The following ESRRB variants were observed in gnomAD, a reference collection of about 807,000 sequenced individuals.
The protein encoded by ESRRB is estrogen related receptor beta.
Under a neutral mutation model 46.0 loss-of-function variants are expected in ESRRB, and 16 were observed. The ratio of observed to expected loss-of-function variants is 0.35; its 90% confidence interval spans 0.24 to 0.53. The LOEUF (loss-of-function observed/expected upper bound fraction) is 0.53, where lower values mean the gene tolerates loss of function less well. ESRRB is among the 20% of genes least tolerant of loss of function. ESRRB has a pLI of 0.93. For missense variants in ESRRB, 488 were observed against 607.4 expected (o/e 0.80, Z 2.07); for synonymous variants, 246 against 259.6 (o/e 0.95, Z 0.50).
At chr14:76,332,573 ATATATTATATATT>A in intron 1 of ESRRB, among the ~76,000 whole-genome samples, 1 of 43,996 alleles carries the variant, frequency 2.3e-5, no homozygotes, top group Non-Finnish European at 4.0e-5. Flanking sequence ...TTATATATTT[ATATATTATATATT>A]TATATATTAT....
intron 1 of ESRRB, among the ~76,000 whole-genome samples, chr14:76,412,773 GC>G (rs541165031): frequency 7.7e-4 from 118 of 152,292 alleles, no homozygotes; most frequent in African/African-American, 2.6e-3. Context: ...CTTTGCTAAT[GC>G]ATTTGTATTG....
At chr14:76,449,892 A>C (rs1445373810) in intron 2 of ESRRB, among the ~76,000 whole-genome samples, 1 of 151,776 alleles carries the variant, frequency 6.6e-6, no homozygotes, top group Non-Finnish European at 1.5e-5. Flanking sequence ...AGGAGCTGGA[A>C]TTACAGGCAT....
chr14:76,415,523 G>A (rs879629325), intron 1 of ESRRB, among the ~76,000 whole-genome samples: 10 of 152,106 alleles, frequency 6.6e-5, no homozygotes, highest in Non-Finnish European at 1.3e-4. Context: ...AGCCAGGCGT[G>A]GTGGTTTGCA....
chr14:76,499,030 T>C lies in ESRRB; in HGVS notation c.*572T>C, dbSNP rs77207025. ...TTCCACTCAGCTTTCAGCCAGGGGG[T>C]ACCCACAGGAGAGCAGCGGCTAGAG... On this transcript the variant is annotated 3_prime_UTR_variant, in exon 7 of 7. Coordinates refer to ENST00000644823, the MANE Select transcript of ESRRB (RefSeq NM_001379180.1). 5.2e-3 allele frequency: 1,840 copies of C among 355,408 alleles called. 30 individuals carry two copies. Among genetic ancestry groups the C allele is most frequent in the African/African-American group, 0.036 (1,683 of 46,840 alleles). The allele number at this position is 355,408 out of a possible 1,614,324, so 22.0% of individuals were successfully genotyped here.
intron 1 of ESRRB, among the ~76,000 whole-genome samples, chr14:76,377,851 T>C (rs1884842522): frequency 1.3e-5 from 2 of 152,168 alleles, no homozygotes; most frequent in South Asian, 4.1e-4. Context: ...TTCCTGCTTC[T>C]AGTTTGGGGA....
chr14:76,445,386 G>A (rs1888091929), intron 2 of ESRRB, among the ~76,000 whole-genome samples: 1 of 147,488 alleles, frequency 6.8e-6, no homozygotes, highest in African/African-American at 2.5e-5. Context: ...CAGGAGAATT[G>A]CTTGAACCCG....
chr14:76,434,243 C>T (rs528664120), intron 1 of ESRRB, among the ~76,000 whole-genome samples: 1 of 152,318 alleles, frequency 6.6e-6, no homozygotes, highest in East Asian at 1.9e-4. Flanking sequence ...CTGGCCTCTC[C>T]AGCAACTTTC....
intron 1 of ESRRB, among the ~76,000 whole-genome samples, chr14:76,423,988 G>A (rs1887088349): frequency 6.6e-6 from 1 of 152,152 alleles, no homozygotes; most frequent in Admixed American, 6.6e-5. Context: ...GGAGCCCCTG[G>A]CTGTCTTCAG....
intron 2 of ESRRB, among the ~76,000 whole-genome samples, chr14:76,441,776 G>C (rs1257791727): frequency 6.6e-6 from 1 of 152,306 alleles, no homozygotes; most frequent in East Asian, 1.9e-4. Context: ...CGATGAGCTG[G>C]TGCCATCCAA....
At chr14:76,481,905 A>G in intron 3 of ESRRB, 111 bp from the exon 4 acceptor site, 9 of 958,840 alleles carry the variant, frequency 9.4e-6, no homozygotes, top group Non-Finnish European at 1.5e-5. Flanking sequence ...GTCGAAGGTC[A>G]TCCGAGCAAG....
chr14:76,428,263 G>A lies in ESRRB; in HGVS notation c.51-11078G>A, dbSNP rs951381036. Among the ~76,000 whole-genome samples, 5 of 152,196 alleles carry A rather than the reference G, an allele frequency of 3.3e-5. 1 individual carries two copies. Among genetic ancestry groups the A allele is most frequent in the Non-Finnish European group, 1.5e-5 (1 of 68,018 alleles). Reference sequence around the variant, plus strand: ...TCCGCCCACCTTGGCCTCCCAAAGCGCTGGGATTACAGGTGTGAGCCACTG... The same window carrying A: ...TCCGCCCACCTTGGCCTCCCAAAGCACTGGGATTACAGGTGTGAGCCACTG... On this transcript the variant is annotated intron_variant, in intron 1 of 6. Transcript: ENST00000644823.
chr14:76,468,555 G>A (rs931052073), intron 3 of ESRRB, among the ~76,000 whole-genome samples: 21 of 152,230 alleles, frequency 1.4e-4, no homozygotes, highest in African/African-American at 5.1e-4. Context: ...TCTTGTCTGT[G>A]CTAAATCGTT....
intron 1 of ESRRB, among the ~76,000 whole-genome samples, chr14:76,433,717 C>T (rs1011536911): frequency 6.6e-6 from 1 of 152,188 alleles, no homozygotes; most frequent in African/African-American, 2.4e-5. Flanking sequence ...CTTCTGTCCC[C>T]ATCATGCAGT....
chr14:76,467,630 T>C (rs1339441677), intron 3 of ESRRB, among the ~76,000 whole-genome samples: 1 of 152,084 alleles, frequency 6.6e-6, no homozygotes, highest in African/African-American at 2.4e-5. Context: ...ATTTTCTTCC[T>C]AGATTTGTTG....
rs575676023 is a variant in ESRRB, at chr14:76,498,901, C to T, written c.*443C>T. ...GGATACCACCTGGAGGTTTTCCTTCCGCAGAGGGCAGGTACGCAAGGGACA... is the reference window on the plus strand; with the variant it reads ...GGATACCACCTGGAGGTTTTCCTTCTGCAGAGGGCAGGTACGCAAGGGACA... On this transcript the variant is annotated 3_prime_UTR_variant, in exon 7 of 7. Coordinates refer to ENST00000644823, the MANE Select transcript of ESRRB (RefSeq NM_001379180.1). 26 of 532,332 alleles carry T rather than the reference C, an allele frequency of 4.9e-5. 1 individual carries two copies. The highest frequency in any genetic ancestry group is 2.1e-4 in the Admixed American group (11 of 51,272). 33.0% of individuals were successfully genotyped at this position (532,332 alleles called of 1,614,324 possible).
In ESRRB at chr14:76,420,558, A is replaced by AGTGTGTGT. The variant is rs61137774; in HGVS notation, c.51-18754_51-18747dup. On this transcript the variant is annotated intron_variant, in intron 1 of 6. Coordinates refer to ENST00000644823, the MANE Select transcript of ESRRB (RefSeq NM_001379180.1). Reference sequence around the variant, plus strand: ...AATAGGTCTTCTCCTACAGGGTGTGAGTGTGTGTGTGTGTGTGTGTGTGTG... The same window carrying AGTGTGTGT: ...AATAGGTCTTCTCCTACAGGGTGTGAGTGTGTGTGTGTGTGTGTGTGTGTGTGTGTGTG... 5.1e-3 allele frequency among the ~76,000 whole-genome samples: 730 copies of AGTGTGTGT among 142,458 alleles called. 3 individuals are homozygous for AGTGTGTGT. Among genetic ancestry groups the AGTGTGTGT allele is most frequent in the African/African-American group, 0.016 (614 of 37,874 alleles). 93.5% of individuals were successfully genotyped at this position (142,458 alleles called of 152,430 possible).
intron 1 of ESRRB, among the ~76,000 whole-genome samples, chr14:76,432,051 G>C (rs1352391810): frequency 6.6e-6 from 1 of 152,084 alleles, no homozygotes; most frequent in Non-Finnish European, 1.5e-5. Flanking sequence ...CACCATTGCC[G>C]CCTCTCCATT....
chr14:76,388,126 C>T (rs376083292), intron 1 of ESRRB, among the ~76,000 whole-genome samples: 2 of 151,510 alleles, frequency 1.3e-5, no homozygotes, highest in East Asian at 1.9e-4. Context: ...CTCCTCACCC[C>T]GATGTTATGT....
chr14:76,495,062 A>G (rs1890369356), intron 6 of ESRRB, among the ~76,000 whole-genome samples: 1 of 149,642 alleles, frequency 6.7e-6, no homozygotes, highest in Admixed American at 6.6e-5. Flanking sequence ...ACACATGCAC[A>G]TACATACACA....
Sources: gnomAD v4.1 joint callset for allele counts (sites outside exome capture counted in the v4.1 genomes callset) on GRCh38, gnomAD v4.1.1 for gene constraint, MANE v1.5 for transcripts, NCBI Gene and HGNC (gene_info 2026-07-23, HGNC 2026-07-21) for gene names.